OR51B5: variants seen among roughly 807,000 people sequenced by gnomAD.
The protein encoded by OR51B5 is olfactory receptor family 51 subfamily B member 5.
For synonymous variants in OR51B5, 186 were observed against 144.8 expected, an observed-to-expected ratio of 1.28 and a Z score of -2.04; for missense variants, 456 against 374.6, an observed-to-expected ratio of 1.22 and a Z score of -1.79.
intron 1 of OR51B5, among the ~76,000 whole-genome samples, chr11:5,373,094 T>C (rs1340792563): frequency 2.6e-5 from 4 of 152,104 alleles, no homozygotes; most frequent in Admixed American, 2.0e-4. Context: ...ACAAATAGTG[T>C]TGGGAAAACT....
rs550840705 is a variant in OR51B5, at chr11:5,464,170, G to A, written n.84+41399C>T. Among the ~76,000 whole-genome samples, 6 of 152,322 alleles carry A rather than the reference G, an allele frequency of 3.9e-5. No individual in the cohort carries two copies. In the South Asian group the frequency reaches 1.0e-3, roughly 26 times the overall value. On this transcript the variant is annotated intron_variant and non_coding_transcript_variant, in intron 1 of 4. Coordinates refer to the OR51B5 transcript ENST00000415970. ...AATTATTCAGTGAATTTTAAACAGA[G>A]TAGAACTTAATCATTTGCCAAGTGG...
intron 1 of OR51B5, among the ~76,000 whole-genome samples, chr11:5,405,273 A>G (rs4432052): frequency 0.75 from 114,269 of 152,096 alleles, 44,750 homozygotes; most frequent in Non-Finnish European, 0.87. Flanking sequence ...TGATGTTTAC[A>G]TACAGTAAAC....
intron 1 of OR51B5, among the ~76,000 whole-genome samples, chr11:5,407,976 C>G (rs1589979549): frequency 6.6e-6 from 1 of 152,052 alleles, no homozygotes. Flanking sequence ...TGAAAATATT[C>G]ACTTTCAGTC....
rs149970443 is a variant in OR51B5 at position 5,431,972 on chromosome 11, C to T, written n.84+73597G>A. Among the ~76,000 whole-genome samples, 31 of 152,232 alleles carry T rather than the reference C, an allele frequency of 2.0e-4. No individual in the cohort carries two copies. In the East Asian group the frequency reaches 2.9e-3, roughly 14 times the overall value. ...TGCATAAAATGTATAATCGTCAAGT[C>T]GAAGTACTTAGGATATTCATCACCT... is the stretch of plus-strand genomic sequence containing the variant. On this transcript the variant is annotated intron_variant and non_coding_transcript_variant, in intron 1 of 4. Transcript: ENST00000415970.
intron 1 of OR51B5, among the ~76,000 whole-genome samples, chr11:5,349,794 T>C (rs1849048533): frequency 1.3e-5 from 2 of 152,140 alleles, no homozygotes; most frequent in African/African-American, 4.8e-5. Flanking sequence ...TGCTTTCCCC[T>C]CTACTTCCCT....
intron 1 of OR51B5, among the ~76,000 whole-genome samples, chr11:5,445,283 C>G (rs1209342449): frequency 1.3e-5 from 2 of 152,138 alleles, no homozygotes; most frequent in African/African-American, 4.8e-5. Flanking sequence ...GATACATATT[C>G]ACATTCTCAT....
chr11:5,467,671 C>A (rs1260922691), intron 1 of OR51B5, among the ~76,000 whole-genome samples: 3 of 152,232 alleles, frequency 2.0e-5, no homozygotes, highest in Admixed American at 2.0e-4. Context: ...AATTTGCTGA[C>A]AGCCTTCAGC....
chr11:5,402,197 TAG>T (rs1222633224), intron 1 of OR51B5, among the ~76,000 whole-genome samples: 1 of 152,000 alleles, frequency 6.6e-6, no homozygotes, highest in Admixed American at 6.6e-5. Context: ...TTTTTTTTAG[TAG>T]AGACAGAGTT....
intron 1 of OR51B5, among the ~76,000 whole-genome samples, chr11:5,379,466 T>TA (rs199656180): frequency 0.035 from 4,720 of 134,210 alleles, 248 homozygotes; most frequent in African/African-American, 0.12. Flanking sequence ...ATAATAATAA[T>TA]AATAAATAAA....
chr11:5,469,388 GTAGTACTTGAGATGT>G (rs1459557859), intron 1 of OR51B5: 1 of 152,444 alleles, frequency 6.6e-6, no homozygotes, highest in Non-Finnish European at 1.5e-5. Context: ...AGTGAAGCTG[GTAGTACTTGAGATGT>G]TAGTCCCAAA....
intron 1 of OR51B5, chr11:5,389,481 G>T: frequency 1.9e-6 from 3 of 1,613,948 alleles, no homozygotes; most frequent in Non-Finnish European, 2.5e-6. Context: ...TATCTCACCA[G>T]CTTTCCTGGA....
At chr11:5,488,484 T>C (rs1013467896) in intron 1 of OR51B5, among the ~76,000 whole-genome samples, 1 of 152,148 alleles carries the variant, frequency 6.6e-6, no homozygotes, top group African/African-American at 2.4e-5. Flanking sequence ...GATATAGAAC[T>C]CAAAACATCA....
chr11:5,478,173 T>G (rs1479012138), intron 1 of OR51B5, among the ~76,000 whole-genome samples: 9 of 151,830 alleles, frequency 5.9e-5, no homozygotes, highest in Non-Finnish European at 1.2e-4. Flanking sequence ...TGAGAACGGG[T>G]AGACTGCCTC....
downstream of OR51B5, among the ~76,000 whole-genome samples, chr11:5,342,303 C>T (rs528740693): frequency 6.6e-6 from 1 of 152,278 alleles, no homozygotes; most frequent in South Asian, 2.1e-4. Flanking sequence ...ATGTTAGTTA[C>T]ATTATAGACA....
intron 1 of OR51B5, among the ~76,000 whole-genome samples, chr11:5,413,339 A>T (rs1447823631): frequency 6.6e-6 from 1 of 152,078 alleles, no homozygotes; most frequent in Non-Finnish European, 1.5e-5. Flanking sequence ...ATGGGGAAAA[A>T]ACAGAGCAGA....
At chr11:5,498,000 A>G (rs763270542) in intron 1 of OR51B5, among the ~76,000 whole-genome samples, 4 of 152,196 alleles carry the variant, frequency 2.6e-5, no homozygotes, top group African/African-American at 9.7e-5. Context: ...AGGGGCTCTT[A>G]CAAACTCTTA....
At chr11:5,410,503 A>C (rs1319304766) in intron 1 of OR51B5, among the ~76,000 whole-genome samples, 1 of 152,342 alleles carries the variant, frequency 6.6e-6, no homozygotes, top group South Asian at 2.1e-4. Context: ...AACGGACTGC[A>C]TATAGGACAG....
At chr11:5,362,624 A>G in intron 1 of OR51B5, 1 of 176,836 alleles carries the variant, frequency 5.7e-6, no homozygotes. Context: ...AATGGAGCTC[A>G]AGGCCATGAG....
intron 1 of OR51B5, among the ~76,000 whole-genome samples, chr11:5,477,573 G>C (rs146682548): frequency 0.013 from 2,032 of 152,296 alleles, 33 homozygotes; most frequent in African/African-American, 0.043. Context: ...CAGAAGACGG[G>C]TGATTTCTGC....
Sources: gnomAD v4.1 joint callset for allele counts (sites outside exome capture counted in the v4.1 genomes callset) on GRCh38, gnomAD v4.1.1 for gene constraint, MANE v1.5 for transcripts, NCBI Gene and HGNC (gene_info 2026-07-23, HGNC 2026-07-21) for gene names.